Variants in ANGPT1 observed in about 807,000 individuals in gnomAD.
ANGPT1 encodes the protein angiopoietin-1.
ANGPT1 carries 17 observed loss-of-function variants against 62.2 expected under a neutral mutation model. The observed-to-expected ratio is 0.27, with a 90% CI of 0.19 to 0.41. The LOEUF (loss-of-function observed/expected upper bound fraction) is 0.41. ANGPT1 is among the 10% of genes least tolerant of loss of function. The probability of loss-of-function intolerance (pLI) is 1.00; values close to 1 mark genes in which losing one functional copy is unlikely to be tolerated. For missense variants in ANGPT1, 478 were observed against 594.9 expected, an observed-to-expected ratio of 0.80 and a Z score of 2.04; for synonymous variants, 199 against 198.9, an observed-to-expected ratio of 1.00 and a Z score of 0.00.
At chr8:107,344,114 C>G (rs374556395) in intron 2 of ANGPT1, among the ~76,000 whole-genome samples, 1 of 151,978 alleles carries the variant, frequency 6.6e-6, no homozygotes, top group East Asian at 1.9e-4. Context: ...TATCATCTAC[C>G]TTATAGAATT....
intron 1 of ANGPT1, among the ~76,000 whole-genome samples, chr8:107,427,759 G>C (rs1431456091): frequency 6.6e-6 from 1 of 152,148 alleles, no homozygotes; most frequent in African/African-American, 2.4e-5. Flanking sequence ...TAAGACCTGG[G>C]TAAGACCAAG....
At chr8:107,359,803 G>A (rs1563585670) in intron 1 of ANGPT1, among the ~76,000 whole-genome samples, 1 of 152,194 alleles carries the variant, frequency 6.6e-6, no homozygotes, top group Admixed American at 6.5e-5. Flanking sequence ...TAATAGTGAC[G>A]ATCTCTGGCT....
chr8:107,398,534 C>T (rs1256557150), intron 1 of ANGPT1, among the ~76,000 whole-genome samples: 1 of 121,772 alleles, frequency 8.2e-6, no homozygotes, highest in African/African-American at 2.9e-5. Flanking sequence ...TGTGAAAACA[C>T]TCTGTGAATC....
chr8:107,282,586 A>ATATATATATC, intron 7 of ANGPT1, among the ~76,000 whole-genome samples: 1 of 130,460 alleles, frequency 7.7e-6, no homozygotes, highest in Non-Finnish European at 1.6e-5. Context: ...ATATATATAT[A>ATATATATATC]TATATATATG....
At chr8:107,261,984 C>G (rs979056630) in intron 8 of ANGPT1, among the ~76,000 whole-genome samples, 1 of 151,958 alleles carries the variant, frequency 6.6e-6, no homozygotes, top group Admixed American at 6.6e-5. Context: ...GACCTGAGGT[C>G]AGGGCTTCGA....
At chr8:107,280,173 AAT>A (rs1401628852) in intron 7 of ANGPT1, among the ~76,000 whole-genome samples, 1 of 152,046 alleles carries the variant, frequency 6.6e-6, no homozygotes, top group Non-Finnish European at 1.5e-5. Flanking sequence ...TGCAAGAAGT[AAT>A]CTTGGGTGAT....
At chr8:107,416,689 T>C (rs1161904405) in intron 1 of ANGPT1, among the ~76,000 whole-genome samples, 1 of 152,200 alleles carries the variant, frequency 6.6e-6, no homozygotes. Flanking sequence ...GACCTATCTG[T>C]TGAAGTTCTT....
At chr8:107,273,593 T>G (rs1326327783) in intron 7 of ANGPT1, among the ~76,000 whole-genome samples, 1 of 152,032 alleles carries the variant, frequency 6.6e-6, no homozygotes, top group Admixed American at 6.6e-5. Context: ...CATCTCTGCA[T>G]GTGTGTCCAC....
chr8:107,279,984 G>C (rs1339593166), intron 7 of ANGPT1, among the ~76,000 whole-genome samples: 2 of 152,110 alleles, frequency 1.3e-5, no homozygotes, highest in East Asian at 3.9e-4. Context: ...ATCCGTGGCA[G>C]AGTGAAGCAT....
intron 1 of ANGPT1, among the ~76,000 whole-genome samples, chr8:107,365,807 G>A (rs564643701): frequency 1.3e-5 from 2 of 151,534 alleles, no homozygotes; most frequent in South Asian, 4.2e-4. Context: ...TTTCTTGACT[G>A]TGACCCACAG....
At chr8:107,373,362 T>A (rs1398275205) in intron 1 of ANGPT1, among the ~76,000 whole-genome samples, 1 of 152,076 alleles carries the variant, frequency 6.6e-6, no homozygotes, top group Non-Finnish European at 1.5e-5. Context: ...TACCAATGGG[T>A]TTCTAAGTCA....
At chr8:107,423,793 G>A (rs1485747362) in intron 1 of ANGPT1, among the ~76,000 whole-genome samples, 1 of 148,682 alleles carries the variant, frequency 6.7e-6, no homozygotes, top group Non-Finnish European at 1.5e-5. Context: ...TAGAGTTAGA[G>A]GAAATGATTT....
chr8:107,283,850 CT>C (rs1182288174), intron 7 of ANGPT1: 1 of 152,160 alleles, frequency 6.6e-6, no homozygotes, highest in East Asian at 1.9e-4. Context: ...AATATCTTCC[CT>C]GTTCCCAAGG....
chr8:107,294,546 G>A (rs1257175654), intron 5 of ANGPT1: 1 of 152,228 alleles, frequency 6.6e-6, no homozygotes, highest in South Asian at 2.1e-4. Context: ...ATATGTACAT[G>A]TTACAGTAGA....
intron 1 of ANGPT1, among the ~76,000 whole-genome samples, chr8:107,451,375 C>T (rs13274462): frequency 0.26 from 39,300 of 151,450 alleles, 5,648 homozygotes; most frequent in East Asian, 0.6. Flanking sequence ...CCTTATGATA[C>T]TAGGTTCAAT....
intron 1 of ANGPT1, among the ~76,000 whole-genome samples, chr8:107,366,374 C>T (rs189434264): frequency 4.7e-4 from 71 of 152,164 alleles, no homozygotes; most frequent in East Asian, 3.7e-3. Flanking sequence ...CACCAAAAAG[C>T]CAAAAGTTGC....
chr8:107,300,631 A>T (rs1440695500), intron 5 of ANGPT1, among the ~76,000 whole-genome samples: 1 of 151,936 alleles, frequency 6.6e-6, no homozygotes, highest in Non-Finnish European at 1.5e-5. Flanking sequence ...CATGGTGGCC[A>T]TTCAGCAGTG....
chr8:107,261,595 C>T (rs76827681), intron 8 of ANGPT1, among the ~76,000 whole-genome samples: 5,587 of 151,418 alleles, frequency 0.037, 318 homozygotes, highest in African/African-American at 0.13. Context: ...GTCCCAGCAA[C>T]TTGGGAGGCT....
At chr8:107,493,239 C>T (rs1210632083) in intron 1 of ANGPT1, among the ~76,000 whole-genome samples, 1 of 150,382 alleles carries the variant, frequency 6.6e-6, no homozygotes, top group African/African-American at 2.5e-5. Context: ...GGTGGGAAAA[C>T]AAGCCTAGAA....
Sources: allele counts gnomAD v4.1 joint callset (sites outside exome capture counted in the v4.1 genomes callset), GRCh38; gene constraint gnomAD v4.1.1; transcripts MANE v1.5; gene names NCBI Gene and HGNC (gene_info 2026-07-23, HGNC 2026-07-21).